Variants in ZMYM4 observed in about 807,000 individuals in gnomAD.
ZMYM4 encodes zinc finger MYM-type containing 4.
In ZMYM4, 31 loss-of-function variants were observed where a neutral mutation model predicts 183.2. That is an observed-to-expected ratio of 0.17 (90% CI 0.13 to 0.23). ZMYM4 has a LOEUF of 0.23. Among genes scored for constraint, ZMYM4 ranks in the 10% least tolerant of loss-of-function variants. The probability of loss-of-function intolerance (pLI) is 1.00; values close to 1 mark genes in which losing one functional copy is unlikely to be tolerated. For missense variants in ZMYM4, 1,273 were observed against 1,840.3 expected (o/e 0.69, Z 5.64); for synonymous variants, 592 against 631.2 (o/e 0.94, Z 0.93).
intron 2 of ZMYM4, among the ~76,000 whole-genome samples, chr1:35,355,606 T>C (rs1349800352): frequency 2.0e-5 from 3 of 152,206 alleles, no homozygotes; most frequent in Non-Finnish European, 4.4e-5. Flanking sequence ...TTTATCTTTT[T>C]ATCTTTTTGA....
chr1:35,282,979 GGTT>G (rs1640254891), intron 1 of ZMYM4, among the ~76,000 whole-genome samples: 1 of 43,240 alleles, frequency 2.3e-5, no homozygotes, highest in Admixed American at 2.5e-4. Flanking sequence ...CTGTGTGTGT[GGTT>G]TTTTTTTTTT....
At chr1:35,304,270 C>T (rs893397560) in intron 1 of ZMYM4, among the ~76,000 whole-genome samples, 3 of 152,060 alleles carry the variant, frequency 2.0e-5, no homozygotes, top group Non-Finnish European at 2.9e-5. Context: ...GTGATCTGCC[C>T]GCCTTGGTCT....
chr1:35,314,656 C>CA (rs1641958972), intron 1 of ZMYM4, among the ~76,000 whole-genome samples: 1 of 82,958 alleles, frequency 1.2e-5, no homozygotes, highest in Non-Finnish European at 2.2e-5. Flanking sequence ...TTTAACTATT[C>CA]AAAAATGATT....
In ZMYM4 at chr1:35,415,478, C is replaced by G. The variant is rs760934699; in HGVS notation, c.4073C>G (p.Ser1358Cys). ...TTCTTCTGTCTAGGTTACATGTTCT[C>G]TCGCATTGAGGAAGAGCATTTGTGG... ...PTILPNGYMF[S>C]RIEEEHLWEC... is the part of the protein sequence containing the mutation. The change falls in exon 28 of 30, where the codon TCT (serine) becomes TGT (cysteine). Residue 1358 changes from serine to cysteine, a missense_variant. Coordinates refer to ENST00000314607, the MANE Select transcript of ZMYM4 (RefSeq NM_005095.3). 3 of 1,614,200 alleles carry G rather than the reference C, an allele frequency of 1.9e-6. No homozygotes were observed. Among genetic ancestry groups the G allele is most frequent in the Non-Finnish European group, 2.5e-6 (3 of 1,180,030 alleles).
chr1:35,331,212 T>A (rs1223071584), intron 2 of ZMYM4, among the ~76,000 whole-genome samples: 1 of 152,176 alleles, frequency 6.6e-6, no homozygotes, highest in East Asian at 1.9e-4. Context: ...TTTATGAAAA[T>A]GTTGAAATCA....
chr1:35,317,413 A>G (rs138424712), intron 1 of ZMYM4, among the ~76,000 whole-genome samples: 2,083 of 152,302 alleles, frequency 0.014, 53 homozygotes, highest in African/African-American at 0.046. Flanking sequence ...AGCCTGGGCA[A>G]CAAGAGTGAA....
chr1:35,302,314 C>T (rs1641324798), intron 1 of ZMYM4, among the ~76,000 whole-genome samples: 2 of 149,696 alleles, frequency 1.3e-5, no homozygotes, highest in African/African-American at 2.5e-5. Flanking sequence ...TCAATAGATC[C>T]TCCTGCCTCA....
intron 2 of ZMYM4, among the ~76,000 whole-genome samples, chr1:35,333,963 T>C (rs1642866106): frequency 6.6e-6 from 1 of 152,070 alleles, no homozygotes; most frequent in African/African-American, 2.4e-5. Flanking sequence ...TTAAAAGTCC[T>C]TTAATGTATG....
At chr1:35,281,678 AT>A (rs1249883413) in intron 1 of ZMYM4, among the ~76,000 whole-genome samples, 6 of 150,708 alleles carry the variant, frequency 4.0e-5, no homozygotes, top group Non-Finnish European at 5.9e-5. Context: ...ATATATATAT[AT>A]AATATAACAT....
rs1013941289 is a variant in ZMYM4 at position 35,355,200 on chromosome 1, C to CTTTTTTTTTTTTTTT, written c.86-3712_86-3698dup. 9.1e-5 allele frequency among the ~76,000 whole-genome samples: 7 copies of CTTTTTTTTTTTTTTT among 77,176 alleles called. 1 individual carries two copies. In the East Asian group the frequency reaches 1.9e-3, roughly 21 times the overall value. 50.6% of individuals were successfully genotyped at this position (77,176 alleles called of 152,430 possible). On this transcript the variant is annotated intron_variant, in intron 2 of 29. Coordinates refer to ENST00000314607, the MANE Select transcript of ZMYM4 (RefSeq NM_005095.3). ...AGGTGCCCGTCACCACGCCTGGCTT[C>CTTTTTTTTTTTTTTT]TTTTTTTTTTTTTTTTTTTTTTTTT...
At chr1:35,403,706 A>G (rs1035272097) in intron 23 of ZMYM4, among the ~76,000 whole-genome samples, 2 of 137,690 alleles carry the variant, frequency 1.5e-5, no homozygotes, top group Non-Finnish European at 3.0e-5. Flanking sequence ...TTCTATTTGT[A>G]TAATTTCTTT....
intron 1 of ZMYM4, among the ~76,000 whole-genome samples, chr1:35,274,179 T>G (rs1348521347): frequency 6.6e-6 from 1 of 152,174 alleles, no homozygotes; most frequent in African/African-American, 2.4e-5. Flanking sequence ...ATGTATGCAA[T>G]GTGAATAATT....
Position 35,418,555 on chromosome 1 carries a change from G to A in ZMYM4, c.4422G>A (p.Glu1474=). ...NPLRCPVRLY[E]FYLSKCSESV... ...TAAGATGCCCAGTCCGACTTTATGA[G>A]TTTTACCTGTCAAAATGGTAATCTT... Residue 1474 remains glutamate (E), a synonymous_variant, in exon 29 of 30, where the codon GAG becomes GAA. Coordinates refer to ENST00000314607, the MANE Select transcript of ZMYM4 (RefSeq NM_005095.3). 6.2e-7 allele frequency: 1 copy of A among 1,614,062 alleles called. No homozygotes were observed. Among genetic ancestry groups the A allele is most frequent in the Non-Finnish European group, 8.5e-7 (1 of 1,179,988 alleles).
intron 7 of ZMYM4, among the ~76,000 whole-genome samples, chr1:35,378,268 A>G (rs185896733): frequency 1.3e-5 from 2 of 152,302 alleles, no homozygotes; most frequent in East Asian, 3.9e-4. Context: ...GCTCCTATTA[A>G]TGATGATATT....
intron 1 of ZMYM4, among the ~76,000 whole-genome samples, chr1:35,309,720 G>C (rs1297931132): frequency 6.6e-6 from 1 of 151,872 alleles, no homozygotes; most frequent in Non-Finnish European, 1.5e-5. Context: ...GGAGCTTGAG[G>C]CTACAGTGAG....
Position 35,268,931 on chromosome 1 carries a change from G to C in ZMYM4, c.-116G>C. ...CCACTCTCGGCGCAAGGCCCGGCCG[G>C]GTCCGGGGAAGCTGCCGCGAGGCGG... is the stretch of plus-strand genomic sequence containing the variant. On this transcript the variant is annotated 5_prime_UTR_variant, in exon 1 of 30. Coordinates refer to ENST00000314607, the MANE Select transcript of ZMYM4 (RefSeq NM_005095.3). 8.2e-7 allele frequency: 1 copy of C among 1,214,528 alleles called. No individual in the cohort carries two copies. The highest frequency in any genetic ancestry group is 1.1e-6 in the Non-Finnish European group (1 of 946,420). 75.2% of individuals were successfully genotyped at this position (1,214,528 alleles called of 1,614,324 possible).
intron 1 of ZMYM4, among the ~76,000 whole-genome samples, chr1:35,274,909 C>T (rs1420570227): frequency 1.3e-5 from 2 of 151,928 alleles, no homozygotes; most frequent in Non-Finnish European, 2.9e-5. Flanking sequence ...TGGTCCTGTT[C>T]GATCATATAG....
At chr1:35,280,357 C>CCT (rs1209928755) in intron 1 of ZMYM4, among the ~76,000 whole-genome samples, 10 of 152,050 alleles carry the variant, frequency 6.6e-5, no homozygotes, top group African/African-American at 2.4e-4. Context: ...AGGCTGATCT[C>CCT]GAACTCATGA....
chr1:35,293,993 G>T (rs1180062862), intron 1 of ZMYM4, among the ~76,000 whole-genome samples: 1 of 151,756 alleles, frequency 6.6e-6, no homozygotes, highest in East Asian at 1.9e-4. Flanking sequence ...AAATTAGCTG[G>T]GCGTGGTGGC....
Sources: gnomAD v4.1 joint callset for allele counts (sites outside exome capture counted in the v4.1 genomes callset) on GRCh38, gnomAD v4.1.1 for gene constraint, MANE v1.5 for transcripts, NCBI Gene and HGNC (gene_info 2026-07-23, HGNC 2026-07-21) for gene names.